The following ARMC5 variants were observed in gnomAD, a reference collection of about 807,000 sequenced individuals.
ARMC5 encodes armadillo repeat-containing protein 5.
In ARMC5, 28 loss-of-function variants were observed where a neutral mutation model predicts 60.5. The ratio of observed to expected loss-of-function variants is 0.46; its 90% CI spans 0.34 to 0.63. The LOEUF (loss-of-function observed/expected upper bound fraction) is 0.63. ARMC5 is among the 30% of genes least tolerant of loss of function. The probability of loss-of-function intolerance (pLI) is 0.01; values close to 1 mark genes in which losing one functional copy is unlikely to be tolerated. For missense variants in ARMC5, 1,189 were observed against 1,304.9 expected (o/e 0.91, Z 1.37); for synonymous variants, 680 against 607.3 (o/e 1.12, Z -1.76).
chr16:31,460,024 A>C, intron 1 of ARMC5, 25 bp downstream of exon 1: 3 of 1,592,240 alleles, frequency 1.9e-6, no homozygotes, highest in Non-Finnish European at 1.7e-6. Context: ...CCCGTTTCCT[A>C]GAAAGATTAG....
In ARMC5 at chr16:31,459,772, C is replaced by T; in HGVS notation, c.248C>T (p.Ala83Val). 6.5e-7 allele frequency: 1 copy of T among 1,540,472 alleles called. No homozygotes were observed. Among genetic ancestry groups the T allele is most frequent in the Non-Finnish European group, 8.7e-7 (1 of 1,150,512 alleles). ...CGGCGAGCGGCTGCAGCGGGTTCCGCCCCGTCCCAGGCAGGCCCCGGCTCC... is the reference window on the plus strand; with the variant it reads ...CGGCGAGCGGCTGCAGCGGGTTCCGTCCCGTCCCAGGCAGGCCCCGGCTCC... ...LLRRAAAAGSAPSQAGPGSAP... is the reference protein window; with the variant it reads ...LLRRAAAAGSVPSQAGPGSAP... The change falls in exon 1 of 6, where the codon GCC becomes GTC. Residue 83 changes from alanine (A) to valine (V), a missense_variant. By Grantham distance (64) the Ala-to-Val change is moderately conservative. This residue lies in a region of ARMC5 where 327 missense variants were observed against 233.7 expected (regional missense o/e 1.40). Coordinates refer to ENST00000268314, the MANE Select transcript of ARMC5 (RefSeq NM_001105247.2).
At chr16:31,459,109 G>C (rs911776819), upstream of ARMC5, 2 of 1,480,044 alleles carry the variant, frequency 1.4e-6, no homozygotes, top group South Asian at 2.7e-5. Context: ...ACCGCTGGGG[G>C]GCAGCGAAGC....
At chr16:31,459,023 C>G, upstream of ARMC5, 1 of 1,530,922 alleles carries the variant, frequency 6.5e-7, no homozygotes, top group Non-Finnish European at 8.7e-7. Flanking sequence ...GGCTCCCCGT[C>G]TGCGGCGCGG....
chr16:31,464,144 A>G lies in ARMC5; in HGVS notation c.1371-250A>G, dbSNP rs1291489920. ...ATCTCTACAAAACATTTAAAAAATTAGCTGAGTGTGGTGCACACAGCTGTA... is the reference window on the plus strand; with the variant it reads ...ATCTCTACAAAACATTTAAAAAATTGGCTGAGTGTGGTGCACACAGCTGTA... On this transcript the variant is annotated intron_variant, in intron 3 of 5. Coordinates refer to ENST00000268314, the MANE Select transcript of ARMC5 (RefSeq NM_001105247.2). The surrounding 1 kb of genome is among the most constrained non-coding windows in gnomAD (Gnocchi z 7.6). 7.3e-6 allele frequency among the ~76,000 whole-genome samples: 1 copy of G among 136,986 alleles called. No homozygotes were observed. Among genetic ancestry groups the G allele is most frequent in the African/African-American group, 2.9e-5 (1 of 34,064 alleles). The allele number at this position is 136,986 out of a possible 152,430, so 89.9% of individuals were successfully genotyped here.
Position 31,466,173 on chromosome 16 carries a change from CTCT to C in ARMC5, c.2097_2099del (p.Phe700del). The C allele has an allele frequency of 6.2e-7, 1 of 1,611,274 alleles. No individual in the cohort carries two copies. Among genetic ancestry groups the C allele is most frequent in the Non-Finnish European group, 8.5e-7 (1 of 1,179,878 alleles). On this transcript the variant is annotated inframe_deletion, in exon 6 of 6. Coordinates refer to ENST00000268314, the MANE Select transcript of ARMC5 (RefSeq NM_001105247.2). This position sits in a 1 kb window ranked among gnomAD's most constrained non-coding sequence, Gnocchi z 8.0. Reference sequence around the variant, plus strand: ...CCGGCCGGCCCCACACCCGCTCTTCCTCTTCTTTGCCGCGGACTCCCTTTCCTG... The same window carrying C: ...CCGGCCGGCCCCACACCCGCTCTTCCTCTTTGCCGCGGACTCCCTTTCCTG...
chr16:31,459,166 C>A, upstream of ARMC5: 1 of 1,508,394 alleles, frequency 6.6e-7, no homozygotes, highest in East Asian at 2.5e-5. Context: ...ACGCCGGGGG[C>A]GGGGCACGGC....
Position 31,459,515 on chromosome 16 carries a change from C to A in ARMC5, c.-10C>A. On this transcript the variant is annotated 5_prime_UTR_variant, in exon 1 of 6. Coordinates refer to ENST00000268314, the MANE Select transcript of ARMC5 (RefSeq NM_001105247.2). ...CGAGAAGCGGGGCGGAGTCTGAGGC[C>A]CGAGCCAAGATGGCGGCTGCGAAGC... 1 of 1,598,034 alleles carries A rather than the reference C, an allele frequency of 6.3e-7. No homozygotes were observed. Among genetic ancestry groups the A allele is most frequent in the Non-Finnish European group, 8.5e-7 (1 of 1,175,446 alleles).
Sources: gnomAD v4.1 joint callset for allele counts (sites outside exome capture counted in the v4.1 genomes callset) on GRCh38, gnomAD v4.1.1 for gene constraint, gnomAD v4.1.1 regional missense constraint, Gnocchi (gnomAD v3.1) non-coding constraint, MANE v1.5 for transcripts, NCBI Gene and HGNC (gene_info 2026-07-23, HGNC 2026-07-21) for gene names.